The following EXOC6B variants were observed in gnomAD, a reference collection of about 807,000 sequenced individuals.
The protein encoded by EXOC6B is SEC15 homolog B.
Under a neutral mutation model 113.5 loss-of-function variants are expected in EXOC6B, and 54 were observed. That is an observed-to-expected ratio of 0.48 (90% CI 0.38 to 0.60). The LOEUF is 0.60. Among genes scored for constraint, EXOC6B ranks in the 20% least tolerant of loss-of-function variants. EXOC6B has a pLI of 0.00. For synonymous variants in EXOC6B, 357 were observed against 339.0 expected (o/e 1.05, Z -0.58); for missense variants, 797 against 977.5 (o/e 0.82, Z 2.46).
chr2:72,686,214 T>G (rs140296463), intron 6 of EXOC6B, among the ~76,000 whole-genome samples: 1 of 152,218 alleles, frequency 6.6e-6, no homozygotes. Context: ...CCATGGTATA[T>G]GAAGTCTGAA....
In EXOC6B at chr2:72,366,139, C is replaced by T. The variant is rs552830528; in HGVS notation, c.2122+13590G>A. Among the ~76,000 whole-genome samples the T allele has an allele frequency of 3.1e-4, 47 of 151,808 alleles. No homozygotes were observed. In the South Asian group the frequency reaches 8.5e-3, roughly 28 times the overall value. ...CAATATCAATAACCTGGAAAATATA[C>T]GCATGATGGAACTGGTAGAACAGGA... On this transcript the variant is annotated intron_variant, in intron 19 of 21. Transcript: ENST00000272427.
At chr2:72,397,502 C>T (rs988870532) in intron 18 of EXOC6B, among the ~76,000 whole-genome samples, 2 of 151,426 alleles carry the variant, frequency 1.3e-5, no homozygotes, top group Non-Finnish European at 2.9e-5. Context: ...CGTCTATAGT[C>T]CCAGCTACTC....
rs142893753 is a variant in EXOC6B at position 72,330,834 on chromosome 2, C to T, written c.2196+4113G>A. On this transcript the variant is annotated intron_variant, in intron 20 of 21. Transcript: ENST00000272427. Reference sequence around the variant, plus strand: ...CCAAGTGTAGGCTTCAAGGAGTTTGCGCATTTCCTATTGCTTTCTTGGAAC... The same window carrying T: ...CCAAGTGTAGGCTTCAAGGAGTTTGTGCATTTCCTATTGCTTTCTTGGAAC... Among the ~76,000 whole-genome samples the T allele has an allele frequency of 9.7e-3, 1,482 of 152,078 alleles. 14 individuals are homozygous for T. Among genetic ancestry groups the T allele is most frequent in the Non-Finnish European group, 0.013 (852 of 67,972 alleles).
intron 20 of EXOC6B, among the ~76,000 whole-genome samples, chr2:72,216,975 A>C: frequency 6.7e-6 from 1 of 149,436 alleles, no homozygotes. Context: ...TGGGAGGCGG[A>C]GGTTGCAGTG....
chr2:72,259,792 G>A (rs1683594092), intron 20 of EXOC6B, among the ~76,000 whole-genome samples: 1 of 150,544 alleles, frequency 6.6e-6, no homozygotes, highest in Admixed American at 6.6e-5. Context: ...GGCTCACGCT[G>A]GTAATCCCAG....
At chr2:72,790,830 T>G (rs1434649005) in intron 1 of EXOC6B, among the ~76,000 whole-genome samples, 3 of 151,900 alleles carry the variant, frequency 2.0e-5, no homozygotes, top group African/African-American at 7.3e-5. Context: ...GAACTGAAAA[T>G]AGGCCTATTG....
chr2:72,733,388 G>A (rs1220334402), intron 2 of EXOC6B, among the ~76,000 whole-genome samples: 3 of 151,932 alleles, frequency 2.0e-5, no homozygotes, highest in African/African-American at 4.8e-5. Context: ...ACTAAAGATC[G>A]CACTTTAACT....
chr2:72,248,956 C>T (rs1283752539), intron 20 of EXOC6B, among the ~76,000 whole-genome samples: 1 of 152,142 alleles, frequency 6.6e-6, no homozygotes, highest in Non-Finnish European at 1.5e-5. Flanking sequence ...CTAGTTTCAA[C>T]AGAATTCATC....
At chr2:72,198,538 G>A (rs1439325794) in intron 20 of EXOC6B, among the ~76,000 whole-genome samples, 2 of 152,150 alleles carry the variant, frequency 1.3e-5, no homozygotes, top group African/African-American at 4.8e-5. Flanking sequence ...ATGTGAATAA[G>A]AAAGTAAATA....
chr2:72,556,494 C>T (rs980184520), intron 8 of EXOC6B, among the ~76,000 whole-genome samples: 2 of 152,032 alleles, frequency 1.3e-5, no homozygotes. Flanking sequence ...TTTCTAGGAC[C>T]CTCAGTTCTT....
intron 20 of EXOC6B, among the ~76,000 whole-genome samples, chr2:72,330,969 C>T (rs368008758): frequency 1.3e-5 from 2 of 152,210 alleles, no homozygotes; most frequent in African/African-American, 4.8e-5. Flanking sequence ...CAACCAGTCC[C>T]TAGCCAATCT....
chr2:72,231,587 G>A (rs1681622565), intron 20 of EXOC6B, among the ~76,000 whole-genome samples: 1 of 151,820 alleles, frequency 6.6e-6, no homozygotes, highest in South Asian at 2.1e-4. Flanking sequence ...TAGTAAATAT[G>A]AAAAAAGAGT....
chr2:72,228,748 C>T (rs1681421002), intron 20 of EXOC6B, among the ~76,000 whole-genome samples: 1 of 152,110 alleles, frequency 6.6e-6, no homozygotes, highest in Non-Finnish European at 1.5e-5. Flanking sequence ...GTCTTTATAG[C>T]AGCATGATTT....
At chr2:72,561,785 A>G (rs191123890) in intron 7 of EXOC6B, among the ~76,000 whole-genome samples, 1 of 152,200 alleles carries the variant, frequency 6.6e-6, no homozygotes, top group African/African-American at 2.4e-5. Context: ...TTACAACCAA[A>G]TCTATTCTCT....
At chr2:72,727,296 A>T (rs563881528) in intron 5 of EXOC6B, among the ~76,000 whole-genome samples, 2 of 152,286 alleles carry the variant, frequency 1.3e-5, no homozygotes, top group East Asian at 1.9e-4. Context: ...AATGTAAAAG[A>T]TCTAAATAGT....
rs149756181 is a variant in EXOC6B at position 72,301,721 on chromosome 2, C to G, written c.2196+33226G>C. ...CCTTTGTTGTTTCCTATTGCTATTT[C>G]TATTTTGTCTCTTTTCTTTTTTATT... On this transcript the variant is annotated intron_variant, in intron 20 of 21. Transcript: ENST00000272427. Among the ~76,000 whole-genome samples the G allele has an allele frequency of 5.4e-3, 820 of 152,056 alleles. 8 individuals are homozygous for G. Among genetic ancestry groups the G allele is most frequent in the African/African-American group, 0.018 (763 of 41,490 alleles).
At chr2:72,404,184 G>A (rs1040423829) in intron 18 of EXOC6B, among the ~76,000 whole-genome samples, 2 of 152,178 alleles carry the variant, frequency 1.3e-5, no homozygotes, top group African/African-American at 4.8e-5. Flanking sequence ...CATTGCCAAG[G>A]CTTGAGTAGG....
intron 7 of EXOC6B, among the ~76,000 whole-genome samples, chr2:72,566,782 T>G (rs1434627954): frequency 3.3e-5 from 5 of 152,056 alleles, no homozygotes; most frequent in Admixed American, 3.3e-4. Flanking sequence ...TTAGTGTCCA[T>G]GTATAGATTA....
intron 6 of EXOC6B, among the ~76,000 whole-genome samples, chr2:72,699,870 T>A (rs1465389341): frequency 2.6e-5 from 4 of 152,134 alleles, no homozygotes; most frequent in African/African-American, 9.7e-5. Context: ...AAATCTAAGC[T>A]AAAAATATGG....
Sources: gnomAD v4.1 joint callset for allele counts (sites outside exome capture counted in the v4.1 genomes callset) on GRCh38, gnomAD v4.1.1 for gene constraint, MANE v1.5 for transcripts, NCBI Gene and HGNC (gene_info 2026-07-23, HGNC 2026-07-21) for gene names.